CDC34: variants seen among roughly 807,000 people sequenced by gnomAD.
CDC34 encodes the protein ubiquitin-conjugating enzyme E2 R1.
In CDC34, 18 loss-of-function variants were observed where a neutral mutation model predicts 26.8. The observed-to-expected ratio is 0.67, with a 90% CI of 0.47 to 1.00. The LOEUF is 1.00. CDC34 is among the 50% of genes least tolerant of loss of function. The pLI is 0.00. For synonymous variants in CDC34, 178 were observed against 147.5 expected (o/e 1.21, Z -1.50); for missense variants, 280 against 334.5 (o/e 0.84, Z 1.27).
chr19:541,646 C>T lies in CDC34; in HGVS notation c.*94C>T. 3.7e-6 allele frequency: 5 copies of T among 1,361,284 alleles called. No homozygotes were observed. The highest frequency in any genetic ancestry group is 4.9e-6 in the Non-Finnish European group (5 of 1,018,370). 84.3% of individuals were successfully genotyped at this position (1,361,284 alleles called of 1,614,324 possible). ...TACCTCACGGAGGTTTTGTGCTGGT[C>T]CCCGTCTCCTCTGGTTGTTTCGTTT... is the stretch of plus-strand genomic sequence containing the variant. On this transcript the variant is annotated 3_prime_UTR_variant, in exon 5 of 5. Coordinates refer to ENST00000215574, the MANE Select transcript of CDC34 (RefSeq NM_004359.2).
At position 541,648 on chromosome 19, in the gene CDC34, C is replaced by G; in HGVS notation, c.*96C>G. 7.4e-7 allele frequency: 1 copy of G among 1,357,534 alleles called. No individual in the cohort carries two copies. Among genetic ancestry groups the G allele is most frequent in the Non-Finnish European group, 9.8e-7 (1 of 1,015,626 alleles). 84.1% of individuals were successfully genotyped at this position (1,357,534 alleles called of 1,614,324 possible). ...CCTCACGGAGGTTTTGTGCTGGTCC[C>G]CGTCTCCTCTGGTTGTTTCGTTTTG... On this transcript the variant is annotated 3_prime_UTR_variant, in exon 5 of 5. Transcript: ENST00000215574.
intron 4 of CDC34, among the ~76,000 whole-genome samples, chr19:538,065 G>A (rs1979842675): frequency 6.6e-6 from 1 of 151,588 alleles, no homozygotes; most frequent in Non-Finnish European, 1.5e-5. Flanking sequence ...CTGACTGTTA[G>A]GGAACATGTG....
intron 1 of CDC34, among the ~76,000 whole-genome samples, chr19:535,179 C>T (rs906391386): frequency 4.6e-5 from 7 of 152,234 alleles, no homozygotes; most frequent in Admixed American, 3.9e-4. Context: ...AGATCTGGAC[C>T]TCCAGGGCCT....
intron 4 of CDC34, among the ~76,000 whole-genome samples, chr19:537,514 G>A (rs912255226): frequency 1.3e-5 from 2 of 151,972 alleles, no homozygotes; most frequent in African/African-American, 4.8e-5. Flanking sequence ...CACCACGCCC[G>A]GCTAATTTTT....
Position 541,406 on chromosome 19 carries a change from G to T in CDC34, c.565G>T (p.Glu189Ter). 6.2e-7 allele frequency: 1 copy of T among 1,611,930 alleles called. No individual in the cohort carries two copies. The highest frequency in any genetic ancestry group is 8.5e-7 in the Non-Finnish European group (1 of 1,179,762). The change falls in exon 5 of 5, where the codon GAG (glutamate) becomes TAG (stop). Residue 189 changes from glutamate (E) to a stop codon, truncating the protein, a stop_gained. Transcript: ENST00000215574. LOFTEE classifies it high-confidence loss of function. ...CGTGAAGGTGCCCACCACGCTGGCC[G>T]AGTACTGCGTGAAGACCAAGGCGCC... is the stretch of plus-strand genomic sequence containing the variant. ...DGVKVPTTLA[E>*]YCVKTKAPAP...
chr19:539,747 C>T (rs968830526), intron 4 of CDC34, among the ~76,000 whole-genome samples: 1 of 152,328 alleles, frequency 6.6e-6, no homozygotes, highest in East Asian at 1.9e-4. Context: ...ATGGGGTCAG[C>T]GTGCCGCCTG....
chr19:535,732 C>T (rs1979707842), intron 1 of CDC34, 105 bp from the exon 2 acceptor site: 3 of 866,098 alleles, frequency 3.5e-6, no homozygotes, highest in African/African-American at 1.6e-5. Flanking sequence ...CTCACACACA[C>T]CCTCAGGCAC....
intron 1 of CDC34, among the ~76,000 whole-genome samples, chr19:534,236 C>T (rs983006761): frequency 6.6e-5 from 10 of 152,088 alleles, no homozygotes; most frequent in African/African-American, 2.4e-4. Flanking sequence ...CAGCCTTGCT[C>T]TGTGGCCGCG....
At chr19:532,683 A>C (rs537496597) in intron 1 of CDC34, among the ~76,000 whole-genome samples, 185 of 152,360 alleles carry the variant, frequency 1.2e-3, no homozygotes, top group Non-Finnish European at 2.3e-3. Context: ...AAAGGCCCGG[A>C]TGAGCCTTGG....
intron 3 of CDC34, chr19:536,572 C>T (rs1308934248): frequency 3.4e-6 from 2 of 581,046 alleles, no homozygotes; most frequent in Non-Finnish European, 6.1e-6. Flanking sequence ...GACCCCAGGC[C>T]GGCCCCACCG....
chr19:536,790 TCTGCACCTTGCTG>T, intron 3 of CDC34: 3 of 592,634 alleles, frequency 5.1e-6, no homozygotes, highest in Admixed American at 5.9e-5. Flanking sequence ...GACGGAGGGG[TCTGCACCTTGCTG>T]CCCTCCCTGG....
chr19:531,807 A>T lies in CDC34; in HGVS notation c.-125A>T. The T allele has an allele frequency of 5.9e-6, 2 of 340,664 alleles. No homozygotes were observed. The highest frequency in any genetic ancestry group is 8.6e-6 in the Non-Finnish European group (2 of 232,084). The allele number at this position is 340,664 out of a possible 1,614,324, so 21.1% of individuals were successfully genotyped here. ...TCCCCGGGCGGCGGCGGCGGCGCAGAGGAGGAGGCAGGCGGCGGCCCCGGT... is the reference window on the plus strand; with the variant it reads ...TCCCCGGGCGGCGGCGGCGGCGCAGTGGAGGAGGCAGGCGGCGGCCCCGGT... On this transcript the variant is annotated 5_prime_UTR_variant, in exon 1 of 5. Coordinates refer to ENST00000215574, the MANE Select transcript of CDC34 (RefSeq NM_004359.2).
At position 540,817 on chromosome 19, in the gene CDC34, G is replaced by GCT. The variant is rs556718389; in HGVS notation, c.498-522_498-521insCT. 4.7e-3 allele frequency among the ~76,000 whole-genome samples: 303 copies of GCT among 64,140 alleles called. 12 individuals carry two copies. Among genetic ancestry groups the GCT allele is most frequent in the African/African-American group, 0.024 (276 of 11,636 alleles). 42.1% of individuals were successfully genotyped at this position (64,140 alleles called of 152,430 possible). On this transcript the variant is annotated intron_variant, in intron 4 of 4. Coordinates refer to ENST00000215574, the MANE Select transcript of CDC34 (RefSeq NM_004359.2). ...GGCCAGGCCCCCCGGTTTAGAATCCGGAGGCCGGGGTGGCCAGGCCCCCGG... is the reference window on the plus strand; with the variant it reads ...GGCCAGGCCCCCCGGTTTAGAATCCGCTGAGGCCGGGGTGGCCAGGCCCCCGG...
chr19:541,247 G>A lies in CDC34; in HGVS notation c.498-92G>A, dbSNP rs916881106. 2.4e-5 allele frequency: 35 copies of A among 1,430,878 alleles called. No homozygotes were observed. The Admixed American group carries it at 5.9e-4, about 24-fold the overall frequency. The allele number at this position is 1,430,878 out of a possible 1,614,324, so 88.6% of individuals were successfully genotyped here. On this transcript the variant is annotated intron_variant, in intron 4 of 4. Transcript: ENST00000215574. ...ACGCCGTTTTAAGAGAAACCTGAGC[G>A]TTGGGGTGAGCGTCGGACCTGGGGG...
intron 3 of CDC34, chr19:536,681 T>C (rs1108113): frequency 0.43 from 229,811 of 529,828 alleles, 52,975 homozygotes; most frequent in East Asian, 0.59. Flanking sequence ...GTGTGCCGCC[T>C]GGGCCTCGTC....
intron 3 of CDC34, 22 bp from the exon 4 acceptor site, chr19:536,991 C>T: frequency 6.2e-7 from 1 of 1,613,190 alleles, no homozygotes. Flanking sequence ...GGCCGCCCCA[C>T]TCCGACCCAC....
intron 4 of CDC34, 50 bp downstream of exon 4, chr19:537,197 C>T: frequency 6.3e-7 from 1 of 1,597,564 alleles, no homozygotes; most frequent in African/African-American, 1.3e-5. Flanking sequence ...ATCCGGCCTG[C>T]ACCCCGGCCC....
At chr19:536,921 G>A (rs1297488882) in intron 3 of CDC34, 92 bp from the exon 4 acceptor site, 3 of 1,464,222 alleles carry the variant, frequency 2.0e-6, no homozygotes, top group South Asian at 1.2e-5. Flanking sequence ...CTGCTGGGTG[G>A]GTCCAGGCGT....
Position 541,309 on chromosome 19 carries a change from G to T in CDC34, c.498-30G>T, listed in dbSNP as rs369947987. The T allele has an allele frequency of 2.4e-5, 36 of 1,511,842 alleles. No homozygotes were observed. The African/African-American group carries it at 4.7e-4, about 20-fold the overall frequency. 93.7% of individuals were successfully genotyped at this position (1,511,842 alleles called of 1,614,324 possible). On this transcript the variant is annotated intron_variant, in intron 4 of 4. Transcript: ENST00000215574. ...GCAGGGGCCGAGTCCAGGCACGTGG[G>T]TGGCGCCCTCACCCACCCTGTCCCC...
Sources: allele counts gnomAD v4.1 joint callset (sites outside exome capture counted in the v4.1 genomes callset), GRCh38; gene constraint gnomAD v4.1.1; transcripts MANE v1.5; gene names NCBI Gene and HGNC (gene_info 2026-07-23, HGNC 2026-07-21).